Variants in FGF17 observed in about 807,000 individuals in gnomAD.
The protein encoded by FGF17 is fibroblast growth factor 17.
In FGF17, 5 loss-of-function variants were observed where a neutral mutation model predicts 23.5. That is an observed-to-expected ratio of 0.21 (90% CI 0.11 to 0.45). FGF17 has a LOEUF of 0.45. Ranked by LOEUF, FGF17 falls within the 20% of genes least tolerant of loss-of-function variation. FGF17 has a pLI of 0.99. For synonymous variants in FGF17, 136 were observed against 123.0 expected, an observed-to-expected ratio of 1.11 and a Z score of -0.70; for missense variants, 221 against 306.9, an observed-to-expected ratio of 0.72 and a Z score of 2.09.
chr8:22,043,293 C>T (rs1800775393), intron 2 of FGF17, 112 bp downstream of exon 2: 1 of 1,107,710 alleles, frequency 9.0e-7, no homozygotes, highest in Non-Finnish European at 1.3e-6. Context: ...TGGCCTCTCC[C>T]TGGGTCCAGG....
chr8:22,042,942 G>C lies in FGF17; in HGVS notation c.14G>C (p.Arg5Pro). The change falls in exon 1 of 5, where the codon CGC (arginine) becomes CCC (proline). Residue 5 changes from arginine to proline, a missense_variant. By Grantham distance (103) the Arg-to-Pro change is moderately radical (BLOSUM62 -2). Transcript: ENST00000359441. MGAA[R>P]LLPNLTLCLQ... ...ACCTCTCCAGCGATGGGAGCCGCCC[G>C]CCTGCTGCCCAACCTCACTCTGTAA... The C allele has an allele frequency of 2.5e-6, 4 of 1,613,352 alleles. No homozygotes were observed. Among genetic ancestry groups the C allele is most frequent in the Non-Finnish European group, 3.4e-6 (4 of 1,179,750 alleles).
upstream of FGF17, among the ~76,000 whole-genome samples, chr8:22,040,326 G>A (rs912716517): frequency 6.6e-6 from 1 of 152,230 alleles, no homozygotes; most frequent in African/African-American, 2.4e-5. Flanking sequence ...GTCACACAGC[G>A]TATAAGGACC....
At chr8:22,044,781 G>T (rs908211048) in intron 2 of FGF17, 3 of 985,370 alleles carry the variant, frequency 3.0e-6, no homozygotes, top group African/African-American at 3.5e-5. Context: ...CCCCGCGCAG[G>T]TTAAATGTCC....
Position 22,042,960 on chromosome 8 carries a change from C to T in FGF17, c.32C>T (p.Thr11Ile), listed in dbSNP as rs766931293. ...GCCGCCCGCCTGCTGCCCAACCTCA[C>T]TCTGTAAGTGTGCTACCTCTCCCAC... MGAARLLPNL[T>I]LCLQLLILCC... The change falls in exon 1 of 5, where the codon ACT (threonine) becomes ATT (isoleucine). Residue 11 changes from threonine (T) to isoleucine (I), a missense_variant. Around this residue, in one of 3 missense-constraint regions of FGF17, gnomAD observed 35 missense variants for 35.5 expected, o/e 0.99. Transcript: ENST00000359441. 2.0e-5 allele frequency: 33 copies of T among 1,613,224 alleles called. No homozygotes were observed. Among genetic ancestry groups the T allele is most frequent in the Middle Eastern group, 3.3e-4 (2 of 6,082 alleles).
At chr8:22,043,029 T>G (rs1355393138) in intron 1 of FGF17, 66 bp downstream of exon 1, 1 of 1,599,694 alleles carries the variant, frequency 6.3e-7, no homozygotes, top group Non-Finnish European at 8.5e-7. Flanking sequence ...GCCCTCCTCT[T>G]CCCGGGACTC....
chr8:22,042,921 C>G lies in FGF17; in HGVS notation c.-8C>G. ...AGGGGGGCAACCGCCTGAGGAACCT[C>G]TCCAGCGATGGGAGCCGCCCGCCTG... On this transcript the variant is annotated 5_prime_UTR_variant, in exon 1 of 5. Coordinates refer to ENST00000359441, the MANE Select transcript of FGF17 (RefSeq NM_003867.4). The G allele has an allele frequency of 6.2e-7, 1 of 1,613,496 alleles. No homozygotes were observed. Among genetic ancestry groups the G allele is most frequent in the Non-Finnish European group, 8.5e-7 (1 of 1,179,786 alleles).
At chr8:22,041,305 G>A (rs1320268945), upstream of FGF17, among the ~76,000 whole-genome samples, 1 of 152,218 alleles carries the variant, frequency 6.6e-6, no homozygotes, top group Admixed American at 6.5e-5. Context: ...GGCAGGGGTG[G>A]CAGACCACTT....
intron 4 of FGF17, among the ~76,000 whole-genome samples, 168 bp downstream of exon 4, chr8:22,046,801 G>T (rs1303191922): frequency 6.6e-6 from 1 of 152,120 alleles, no homozygotes; most frequent in East Asian, 1.9e-4. Context: ...TTATTTTAGA[G>T]TCCGGGTCTT....
upstream of FGF17, among the ~76,000 whole-genome samples, chr8:22,039,859 A>C (rs1800712916): frequency 6.6e-6 from 1 of 151,720 alleles, no homozygotes; most frequent in African/African-American, 2.4e-5. Context: ...GGGCTCAAGC[A>C]GGTGGTGGCA....
chr8:22,048,183 C>T lies in FGF17; in HGVS notation c.585C>T (p.Phe195=), dbSNP rs762278681. The part of the protein sequence containing the change: ...FPNHAEKQKQ[F]EFVGSAPTRR... ...ACCACGCCGAGAAGCAGAAGCAGTT[C>T]GAGTTTGTGGGCTCCGCCCCCACCC... The change falls in exon 5 of 5, where the codon TTC becomes TTT. Residue 195 remains phenylalanine, a synonymous_variant. Transcript: ENST00000359441. The surrounding 1 kb of genome is among the most constrained non-coding windows in gnomAD (Gnocchi z 6.9). 6 of 1,612,840 alleles carry T rather than the reference C, an allele frequency of 3.7e-6. No homozygotes were observed. The Admixed American group carries it at 1.0e-4, about 27-fold the overall frequency.
chr8:22,040,165 C>T (rs1800717362), upstream of FGF17, among the ~76,000 whole-genome samples: 1 of 152,216 alleles, frequency 6.6e-6, no homozygotes, highest in African/African-American at 2.4e-5. Flanking sequence ...AGGGCCCCTG[C>T]CCCCATTCTT....
chr8:22,044,319 G>A (rs1209848683), intron 2 of FGF17, among the ~76,000 whole-genome samples: 1 of 152,116 alleles, frequency 6.6e-6, no homozygotes, highest in East Asian at 1.9e-4. Flanking sequence ...CCATGCTTGA[G>A]GGGCTGTCTG....
In FGF17 at chr8:22,048,497, C is replaced by T. The variant is rs960909614; in HGVS notation, c.*248C>T. On this transcript the variant is annotated 3_prime_UTR_variant, in exon 5 of 5. Transcript: ENST00000359441. The surrounding 1 kb of genome is among the most constrained non-coding windows in gnomAD (Gnocchi z 6.9). ...ACTGAGTGTCACCCTGATCTCAGGCCACCAGCCTCTGCCGGCCTCCCAGCC... is the reference window on the plus strand; with the variant it reads ...ACTGAGTGTCACCCTGATCTCAGGCTACCAGCCTCTGCCGGCCTCCCAGCC... 5 of 514,260 alleles carry T rather than the reference C, an allele frequency of 9.7e-6. No homozygotes were observed. Among genetic ancestry groups the T allele is most frequent in the Non-Finnish European group, 1.7e-5 (5 of 291,112 alleles). 31.9% of individuals were successfully genotyped at this position (514,260 alleles called of 1,614,324 possible).
intron 2 of FGF17, chr8:22,044,572 G>A: frequency 3.5e-6 from 2 of 575,632 alleles, no homozygotes; most frequent in Non-Finnish European, 4.4e-6. Flanking sequence ...CGGAGGGCCT[G>A]AACCTGGGCC....
intron 2 of FGF17, chr8:22,044,942 G>A: frequency 2.0e-6 from 2 of 985,804 alleles, no homozygotes; most frequent in Non-Finnish European, 2.4e-6. Flanking sequence ...TGGAATTAGG[G>A]ATTTGGGGCA....
chr8:22,044,683 C>T lies in FGF17; in HGVS notation c.73-1431C>T, dbSNP rs573031768. 5.1e-4 allele frequency: 498 copies of T among 985,428 alleles called. 1 individual carries two copies. The African/African-American group carries it at 5.5e-3, about 11-fold the overall frequency. 61.0% of individuals were successfully genotyped at this position (985,428 alleles called of 1,614,324 possible). ...CCACCCCAAATGCTCCAGGGTGGGG[C>T]GAGGGGCAGGTCTTGCAGAGGCTAG... On this transcript the variant is annotated intron_variant, in intron 2 of 4. Coordinates refer to ENST00000359441, the MANE Select transcript of FGF17 (RefSeq NM_003867.4).
chr8:22,042,794 TCTC>T, upstream of FGF17: 1 of 764,586 alleles, frequency 1.3e-6, no homozygotes, highest in Non-Finnish European at 2.2e-6. Flanking sequence ...CTCCCCTTTC[TCTC>T]CTCCTCGCCC....
In FGF17 at chr8:22,046,212, C is replaced by G; in HGVS notation, c.171C>G (p.Leu57=). ...LSRRQIREYQ[L]YSRTSGKHVQ... ...GGCGGCAGATCCGCGAGTACCAACTCTACAGCAGGACCAGTGGCAAGCACG... is the reference window on the plus strand; with the variant it reads ...GGCGGCAGATCCGCGAGTACCAACTGTACAGCAGGACCAGTGGCAAGCACG... Residue 57 remains leucine (L), a synonymous_variant, in exon 3 of 5, where the codon CTC becomes CTG. Transcript: ENST00000359441. 1 of 1,614,104 alleles carries G rather than the reference C, an allele frequency of 6.2e-7. No homozygotes were observed. The highest frequency in any genetic ancestry group is 1.3e-5 in the African/African-American group (1 of 75,072).
chr8:22,043,045 C>T (rs576012899), intron 1 of FGF17, 82 bp downstream of exon 1: 27 of 1,598,008 alleles, frequency 1.7e-5, no homozygotes, highest in South Asian at 1.0e-4. Context: ...GACTCCCACG[C>T]GTGCGTGCAC....
Sources: gnomAD v4.1 joint callset for allele counts (sites outside exome capture counted in the v4.1 genomes callset) on GRCh38, gnomAD v4.1.1 for gene constraint, gnomAD v4.1.1 regional missense constraint, Gnocchi (gnomAD v3.1) non-coding constraint, MANE v1.5 for transcripts, NCBI Gene and HGNC (gene_info 2026-07-23, HGNC 2026-07-21) for gene names.